MAP3K14: variants seen among roughly 807,000 people sequenced by gnomAD.
MAP3K14 encodes mitogen-activated protein kinase kinase kinase 14.
MAP3K14 carries 16 observed loss-of-function variants against 99.2 expected under a neutral mutation model. That is an observed-to-expected ratio of 0.16 (90% CI 0.11 to 0.24). MAP3K14 has a LOEUF of 0.24. Among genes scored for constraint, MAP3K14 ranks in the 10% least tolerant of loss-of-function variants. The pLI, the probability that MAP3K14 is intolerant of heterozygous loss-of-function variation, is 1.00. For missense variants in MAP3K14, 784 were observed against 1,208.7 expected (o/e 0.65, Z 5.21); for synonymous variants, 462 against 492.4 (o/e 0.94, Z 0.82).
At chr17:45,294,088 C>T (rs762395124) in intron 1 of MAP3K14, among the ~76,000 whole-genome samples, 2 of 152,212 alleles carry the variant, frequency 1.3e-5, no homozygotes, top group East Asian at 1.9e-4. Flanking sequence ...CCTTTGAAGG[C>T]AAGTCAAACT....
At chr17:45,285,039 A>G (rs993732022) in intron 5 of MAP3K14, 90 bp from the exon 6 acceptor site, 2 of 1,420,884 alleles carry the variant, frequency 1.4e-6, no homozygotes, top group South Asian at 2.7e-5. Flanking sequence ...CCAGCTGGTG[A>G]CCTTGCCAGG....
At chr17:45,290,019 G>A (rs1197043022) in intron 2 of MAP3K14, among the ~76,000 whole-genome samples, 1 of 152,204 alleles carries the variant, frequency 6.6e-6, no homozygotes, top group Non-Finnish European at 1.5e-5. Flanking sequence ...CCCTGCAGCA[G>A]CCTGCCGCCC....
chr17:45,287,181 C>T lies in MAP3K14; in HGVS notation c.510G>A (p.Glu170=). Residue 170 remains glutamate, a synonymous_variant, in exon 4 of 16, where the codon GAG becomes GAA. Transcript: ENST00000344686. ...GCACTGGGATGGTGCAGCTCTCCTG[C>T]TCAGGGGTCCTGGGGAGGGGTTTGG... ...ALAKPLPRTP[E]QESCTIPVQE... 1.2e-6 allele frequency: 2 copies of T among 1,613,860 alleles called. No individual in the cohort carries two copies. The highest frequency in any genetic ancestry group is 1.7e-6 in the Non-Finnish European group (2 of 1,179,802).
chr17:45,270,276 G>C, intron 11 of MAP3K14, 137 bp downstream of exon 11: 1 of 1,115,690 alleles, frequency 9.0e-7, no homozygotes, highest in Non-Finnish European at 1.2e-6. Flanking sequence ...ACAACCCTGA[G>C]GCTGCTGCAC....
intron 1 of MAP3K14, among the ~76,000 whole-genome samples, chr17:45,292,385 T>C (rs530326834): frequency 6.6e-6 from 1 of 152,184 alleles, no homozygotes; most frequent in Non-Finnish European, 1.5e-5. Context: ...GGCAACATGG[T>C]GGAACCCTGT....
intron 14 of MAP3K14, 73 bp from the exon 15 acceptor site, chr17:45,265,336 T>G (rs1015286113): frequency 2.5e-5 from 25 of 980,588 alleles, no homozygotes; most frequent in Non-Finnish European, 4.0e-5. Flanking sequence ...TGGCAGGGGC[T>G]GGGGGAACGT....
chr17:45,291,313 TG>T, intron 1 of MAP3K14, among the ~76,000 whole-genome samples: 1 of 152,112 alleles, frequency 6.6e-6, no homozygotes, highest in Non-Finnish European at 1.5e-5. Context: ...TGTGTGTGTG[TG>T]TGTGTGTCCT....
intron 3 of MAP3K14, among the ~76,000 whole-genome samples, chr17:45,287,793 G>C (rs1406134806): frequency 1.3e-5 from 2 of 152,178 alleles, no homozygotes; most frequent in African/African-American, 4.8e-5. Context: ...GCTCATGGCA[G>C]GCCTCTCAGC....
At chr17:45,278,462 G>A (rs760633815) in intron 6 of MAP3K14, among the ~76,000 whole-genome samples, 1 of 152,280 alleles carries the variant, frequency 6.6e-6, no homozygotes, top group Non-Finnish European at 1.5e-5. Context: ...CCAGGCACCG[G>A]TAAAGCCCTT....
At chr17:45,299,075 G>A (rs984136588) in intron 1 of MAP3K14, among the ~76,000 whole-genome samples, 1 of 152,196 alleles carries the variant, frequency 6.6e-6, no homozygotes, top group Non-Finnish European at 1.5e-5. Flanking sequence ...TGAGTAAAGC[G>A]TAAGTCAGGC....
rs372021923 is a variant in MAP3K14, at chr17:45,274,105, G to T, written c.1552+18C>A. On this transcript the variant is annotated intron_variant, in intron 8 of 15. Transcript: ENST00000344686. ...GAAGAGCCTGCTGGGGATCAGGGCCGTGGGGCCTGGGCCTTACCTTTGACG... is the reference window on the plus strand; with the variant it reads ...GAAGAGCCTGCTGGGGATCAGGGCCTTGGGGCCTGGGCCTTACCTTTGACG... The T allele has an allele frequency of 2.9e-5, 46 of 1,607,178 alleles. No individual in the cohort carries two copies. Among genetic ancestry groups the T allele is most frequent in the Non-Finnish European group, 3.7e-5 (44 of 1,176,032 alleles).
At chr17:45,291,892 C>G (rs932657034) in intron 1 of MAP3K14, among the ~76,000 whole-genome samples, 2 of 152,260 alleles carry the variant, frequency 1.3e-5, no homozygotes, top group African/African-American at 4.8e-5. Context: ...AACCCTGGAT[C>G]ACTTCTCTGC....
rs568071251 is a variant in MAP3K14, at chr17:45,287,669, A to G, written c.327-305T>C. Among the ~76,000 whole-genome samples, 9 of 152,308 alleles carry G rather than the reference A, an allele frequency of 5.9e-5. No individual in the cohort carries two copies. The East Asian group carries it at 7.7e-4, about 13-fold the overall frequency. ...CTGCCGAGAAGCTGTGCTTGTTACT[A>G]TGGTGATGGGGTACAGACTCAGCAC... On this transcript the variant is annotated intron_variant, in intron 3 of 15. Coordinates refer to ENST00000344686, the MANE Select transcript of MAP3K14 (RefSeq NM_003954.5).
chr17:45,268,967 C>T (rs1483907382), intron 11 of MAP3K14, among the ~76,000 whole-genome samples: 1 of 152,126 alleles, frequency 6.6e-6, no homozygotes, highest in East Asian at 1.9e-4. Flanking sequence ...CCCTACATCC[C>T]ACCAACTTTC....
intron 6 of MAP3K14, among the ~76,000 whole-genome samples, chr17:45,276,850 A>T: frequency 1.6e-5 from 1 of 63,664 alleles, no homozygotes; most frequent in Non-Finnish European, 2.9e-5. Flanking sequence ...TTTTTTTGAG[A>T]CAGAGTCTCG....
rs927146841 is a variant in MAP3K14, at chr17:45,263,678, G to C, written c.*958C>G. 2 of 152,688 alleles carry C rather than the reference G, an allele frequency of 1.3e-5. No homozygotes were observed. The highest frequency in any genetic ancestry group is 4.8e-5 in the African/African-American group (2 of 41,478). The allele number at this position is 152,688 out of a possible 1,614,324, so 9.5% of individuals were successfully genotyped here. A position where few individuals can be genotyped will look rare whatever the true frequency, so the allele number is the denominator to read the frequency against. On this transcript the variant is annotated 3_prime_UTR_variant, in exon 16 of 16. Coordinates refer to ENST00000344686, the MANE Select transcript of MAP3K14 (RefSeq NM_003954.5). ...GGCAGGGCAGGGTGAGTGTCAGTGT[G>C]ATGCTGAGCTGTGCTCTGGGGAACC...
At chr17:45,306,210 A>C (rs2044428762) in intron 1 of MAP3K14, among the ~76,000 whole-genome samples, 1 of 152,214 alleles carries the variant, frequency 6.6e-6, no homozygotes, top group African/African-American at 2.4e-5. Context: ...CAGTAGGCCA[A>C]GTAATTTGCC....
At chr17:45,268,479 C>CT (rs1374857537) in intron 11 of MAP3K14, 4 of 152,078 alleles carry the variant, frequency 2.6e-5, no homozygotes, top group African/African-American at 9.7e-5. Context: ...ACTCCAACTC[C>CT]TGGGCTCAAG....
intron 1 of MAP3K14, among the ~76,000 whole-genome samples, chr17:45,293,958 G>C (rs1342112620): frequency 6.6e-6 from 1 of 152,204 alleles, no homozygotes; most frequent in African/African-American, 2.4e-5. Flanking sequence ...TGGCCAGGGG[G>C]CCTTCCCAGC....
Sources: allele counts gnomAD v4.1 joint callset (sites outside exome capture counted in the v4.1 genomes callset), GRCh38; gene constraint gnomAD v4.1.1; transcripts MANE v1.5; gene names NCBI Gene and HGNC (gene_info 2026-07-23, HGNC 2026-07-21).